The following SHISA6 variants were observed in gnomAD, a reference collection of about 807,000 sequenced individuals.
SHISA6 encodes the protein shisa family member 6, also known as protein shisa-6.
A neutral mutation model predicts 47.9 loss-of-function variants in SHISA6; 22 were observed. That is an observed-to-expected ratio of 0.46 (90% CI 0.33 to 0.66). SHISA6 has a LOEUF of 0.66. SHISA6 is among the 30% of genes least tolerant of loss of function. The pLI is 0.02. For missense variants in SHISA6, 680 were observed against 764.6 expected (o/e 0.89, Z 1.30); for synonymous variants, 388 against 337.8 (o/e 1.15, Z -1.63).
intron 2 of SHISA6, among the ~76,000 whole-genome samples, chr17:11,347,327 G>A (rs1911734263): frequency 6.6e-6 from 1 of 152,170 alleles, no homozygotes; most frequent in South Asian, 2.1e-4. Context: ...AGAAGAACCA[G>A]GGGAGTAGAA....
At chr17:11,539,004 G>A (rs113235419) in intron 3 of SHISA6, among the ~76,000 whole-genome samples, 209 of 152,230 alleles carry the variant, frequency 1.4e-3, no homozygotes, top group African/African-American at 4.8e-3. Flanking sequence ...GCAGTGGCAC[G>A]ATCTTGACTT....
chr17:11,295,432 A>G lies in SHISA6; in HGVS notation c.799+31906A>G, dbSNP rs568597217. Among the ~76,000 whole-genome samples the G allele has an allele frequency of 3.9e-5, 6 of 152,376 alleles. No homozygotes were observed. The South Asian group carries it at 1.2e-3, about 32-fold the overall frequency. On this transcript the variant is annotated intron_variant, in intron 2 of 5. Coordinates refer to ENST00000441885, the MANE Select transcript of SHISA6 (RefSeq NM_207386.4). ...CTTACAGTCAGTGGGGGAGACAGAC[A>G]GTAAATAACAAACATGCCCACATTC...
At chr17:11,250,040 G>A (rs748267248) in intron 1 of SHISA6, among the ~76,000 whole-genome samples, 1 of 152,220 alleles carries the variant, frequency 6.6e-6, no homozygotes, top group African/African-American at 2.4e-5. Flanking sequence ...TCAGGCAGGT[G>A]GTGGAGGTCC....
chr17:11,548,464 T>A (rs2071901895), intron 3 of SHISA6, among the ~76,000 whole-genome samples: 1 of 151,522 alleles, frequency 6.6e-6, no homozygotes, highest in African/African-American at 2.4e-5. Context: ...TATATACATA[T>A]ATCACAAGAA....
At chr17:11,266,934 T>C (rs889325019) in intron 2 of SHISA6, among the ~76,000 whole-genome samples, 8 of 152,186 alleles carry the variant, frequency 5.3e-5, no homozygotes, top group Non-Finnish European at 1.2e-4. Context: ...GGGATGTGGG[T>C]TGAGAGTCCT....
At chr17:11,277,265 C>T (rs1908940343) in intron 2 of SHISA6, among the ~76,000 whole-genome samples, 4 of 109,136 alleles carry the variant, frequency 3.7e-5, no homozygotes, top group South Asian at 7.8e-4. Flanking sequence ...CTCTCTCTCT[C>T]TCTCTCTCTC....
intron 3 of SHISA6, among the ~76,000 whole-genome samples, chr17:11,486,925 C>A (rs1402972544): frequency 6.6e-6 from 1 of 152,188 alleles, no homozygotes. Context: ...GGTCTGCCAG[C>A]GAGGCCTGGG....
chr17:11,485,330 G>A (rs1342580995), intron 3 of SHISA6, among the ~76,000 whole-genome samples: 2 of 152,090 alleles, frequency 1.3e-5, no homozygotes, highest in African/African-American at 4.8e-5. Flanking sequence ...GGGAATGGGG[G>A]GCGGTTCTCT....
chr17:11,321,049 C>T (rs568397962), intron 2 of SHISA6, among the ~76,000 whole-genome samples: 6 of 152,160 alleles, frequency 3.9e-5, no homozygotes, highest in Admixed American at 6.6e-5. Flanking sequence ...AACAAAGTGG[C>T]GTATATTTTT....
chr17:11,555,620 T>C, intron 4 of SHISA6, 120 bp from the exon 5 acceptor site: 1 of 1,173,514 alleles, frequency 8.5e-7, no homozygotes, highest in Non-Finnish European at 1.2e-6. Context: ...GTATCACCTA[T>C]GTCCAAGCAC....
At chr17:11,376,295 C>T (rs1469245238) in intron 2 of SHISA6, among the ~76,000 whole-genome samples, 1 of 150,654 alleles carries the variant, frequency 6.6e-6, no homozygotes, top group East Asian at 2.0e-4. Context: ...TTCTGTCTGC[C>T]TGCATGGGGC....
intron 3 of SHISA6, among the ~76,000 whole-genome samples, chr17:11,486,671 T>G (rs977414832): frequency 1.3e-5 from 2 of 152,170 alleles, no homozygotes; most frequent in Non-Finnish European, 2.9e-5. Flanking sequence ...TAAATAGACA[T>G]GCTGAGGAAG....
At chr17:11,284,496 C>T (rs991389748) in intron 2 of SHISA6, among the ~76,000 whole-genome samples, 7 of 152,162 alleles carry the variant, frequency 4.6e-5, no homozygotes, top group Middle Eastern at 6.8e-3. Context: ...ATATTGCTGC[C>T]CCAAATAATG....
At chr17:11,346,603 T>C (rs10521182) in intron 2 of SHISA6, among the ~76,000 whole-genome samples, 12,931 of 152,236 alleles carry the variant, frequency 0.085, 854 homozygotes, top group East Asian at 0.23. Context: ...CTGGGATCAA[T>C]CAGTACATGA....
At chr17:11,510,341 G>A (rs1258080190) in intron 3 of SHISA6, among the ~76,000 whole-genome samples, 2 of 152,132 alleles carry the variant, frequency 1.3e-5, no homozygotes, top group Non-Finnish European at 2.9e-5. Flanking sequence ...TGCCTGAGTG[G>A]TCCTGGGTCC....
At chr17:11,425,474 G>A (rs533968852) in intron 3 of SHISA6, among the ~76,000 whole-genome samples, 2 of 152,136 alleles carry the variant, frequency 1.3e-5, no homozygotes, top group African/African-American at 4.8e-5. Flanking sequence ...TCCATTTCCA[G>A]CTTTTGTTCC....
chr17:11,313,166 G>A (rs1271722786), intron 2 of SHISA6, among the ~76,000 whole-genome samples: 1 of 152,178 alleles, frequency 6.6e-6, no homozygotes, highest in African/African-American at 2.4e-5. Context: ...TATTGGGTTA[G>A]TATATACTCA....
chr17:11,286,362 C>T (rs191609584), intron 2 of SHISA6, among the ~76,000 whole-genome samples: 7 of 152,272 alleles, frequency 4.6e-5, no homozygotes, highest in Non-Finnish European at 8.8e-5. Flanking sequence ...CCTAGGAATT[C>T]CCATACCCCT....
chr17:11,305,911 G>T (rs767876062), intron 2 of SHISA6, among the ~76,000 whole-genome samples: 1 of 152,126 alleles, frequency 6.6e-6, no homozygotes, highest in Non-Finnish European at 1.5e-5. Context: ...AAGGGAGAAG[G>T]CATTATTTGT....
Sources: gnomAD v4.1 joint callset for allele counts (sites outside exome capture counted in the v4.1 genomes callset) on GRCh38, gnomAD v4.1.1 for gene constraint, MANE v1.5 for transcripts, NCBI Gene and HGNC (gene_info 2026-07-23, HGNC 2026-07-21) for gene names.